Variants in PCDH15 observed in about 807,000 individuals in gnomAD.
The protein encoded by PCDH15 is protocadherin-15.
Under a neutral mutation model 178.5 loss-of-function variants are expected in PCDH15, and 129 were observed. That is an observed-to-expected ratio of 0.72 (90% confidence interval 0.63 to 0.84). The LOEUF (loss-of-function observed/expected upper bound fraction) is 0.84, where lower values mean the gene tolerates loss of function less well. Among genes scored for constraint, PCDH15 ranks in the 40% least tolerant of loss-of-function variants. The pLI is 0.00. For missense variants in PCDH15, 2,230 were observed against 2,099.9 expected, an observed-to-expected ratio of 1.06 and a Z score of -1.21; for synonymous variants, 800 against 732.0, an observed-to-expected ratio of 1.09 and a Z score of -1.50.
In PCDH15 at chr10:54,027,236, A is replaced by C. The variant is rs2093130653; in HGVS notation, c.2221-4039T>G. On this transcript the variant is annotated intron_variant, in intron 18 of 37. Transcript: ENST00000644397. ...TACCTAGGAATCCAACTTACAAGGG[A>C]TGTGAAGGACCTCTTCAAGGAGAAC... Among the ~76,000 whole-genome samples, 5 of 149,060 alleles carry C rather than the reference A, an allele frequency of 3.4e-5. No homozygotes were observed. The South Asian group carries it at 1.1e-3, about 32-fold the overall frequency.
intron 2 of PCDH15, among the ~76,000 whole-genome samples, chr10:55,369,385 A>G (rs1423768431): frequency 6.6e-6 from 1 of 152,008 alleles, no homozygotes; most frequent in East Asian, 1.9e-4. Context: ...AGAAATCAAC[A>G]AAGTGTATAT....
At chr10:54,655,162 G>C (rs10825370) in intron 2 of PCDH15, 12,499 of 151,888 alleles carry the variant, frequency 0.082, 529 homozygotes, top group African/African-American at 0.12. Flanking sequence ...AGTGAGCCGA[G>C]ATCGCGCCAC....
intron 2 of PCDH15, among the ~76,000 whole-genome samples, chr10:54,980,959 A>C (rs1262031813): frequency 6.6e-6 from 1 of 152,096 alleles, no homozygotes; most frequent in East Asian, 1.9e-4. Flanking sequence ...ACATGTATAA[A>C]ATGAAACGTA....
intron 2 of PCDH15, among the ~76,000 whole-genome samples, chr10:55,600,300 C>T (rs1843045921): frequency 6.6e-6 from 1 of 151,544 alleles, no homozygotes; most frequent in Non-Finnish European, 1.5e-5. Flanking sequence ...GGAAGCAGAG[C>T]TTGCAGTGAG....
chr10:55,455,718 C>A (rs1292331682), intron 2 of PCDH15, among the ~76,000 whole-genome samples: 1 of 151,660 alleles, frequency 6.6e-6, no homozygotes, highest in Non-Finnish European at 1.5e-5. Context: ...GGACAATTTG[C>A]CTGTATAAAA....
intron 15 of PCDH15, among the ~76,000 whole-genome samples, chr10:54,095,514 C>T (rs535584262): frequency 4.0e-5 from 6 of 151,856 alleles, no homozygotes; most frequent in Admixed American, 6.6e-5. Flanking sequence ...TATAAATATG[C>T]TCAAAAATAA....
Position 54,743,929 on chromosome 10 carries a change from C to T in PCDH15, c.-29+56996G>A, listed in dbSNP as rs562274204. On this transcript the variant is annotated intron_variant, in intron 1 of 37. Transcript: ENST00000644397. ...GTTTTCAAAATGGCTTTCAGTGATC[C>T]TCTTCTCTTAATATTCATATCCTGT... Among the ~76,000 whole-genome samples, 58 of 152,122 alleles carry T rather than the reference C, an allele frequency of 3.8e-4. No individual in the cohort carries two copies. In the South Asian group the frequency reaches 9.8e-3, roughly 26 times the overall value.
intron 2 of PCDH15, among the ~76,000 whole-genome samples, chr10:54,935,317 T>G: frequency 6.6e-6 from 1 of 152,152 alleles, no homozygotes; most frequent in East Asian, 1.9e-4. Context: ...TTCACTAAGT[T>G]CAATGCAACT....
rs2094144298 is a variant in PCDH15 at position 54,066,798 on chromosome 10, C to G, written c.2179G>C (p.Val727Leu). ...FDPYLPRNLS[V>L]VEEEANAFVG... ...AAGGCATTGGCTTCTTCTTCCACCA[C>G]AGATAAATTTCTTGGCAGATAAGGA... Residue 727 changes from valine (V) to leucine (L), a missense_variant, in exon 18 of 38, where the codon GTG (valine) becomes CTG (leucine). Coordinates refer to ENST00000644397, the MANE Select transcript of PCDH15 (RefSeq NM_001384140.1). 6.2e-7 allele frequency: 1 copy of G among 1,613,478 alleles called. No homozygotes were observed. The highest frequency in any genetic ancestry group is 8.5e-7 in the Non-Finnish European group (1 of 1,179,618).
At chr10:55,159,514 C>G (rs1464199871) in intron 2 of PCDH15, among the ~76,000 whole-genome samples, 1 of 149,434 alleles carries the variant, frequency 6.7e-6, no homozygotes, top group Non-Finnish European at 1.5e-5. Context: ...TATACACACA[C>G]ACAACTAGAT....
chr10:55,432,477 G>T (rs1027287265), intron 2 of PCDH15, among the ~76,000 whole-genome samples: 23 of 152,130 alleles, frequency 1.5e-4, no homozygotes, highest in Non-Finnish European at 2.4e-4. Context: ...TGGAAGGCAA[G>T]GATGAAAAGT....
At chr10:54,440,209 G>A (rs565725877) in intron 3 of PCDH15, among the ~76,000 whole-genome samples, 12 of 152,048 alleles carry the variant, frequency 7.9e-5, no homozygotes, top group African/African-American at 2.9e-4. Flanking sequence ...ATGAACGGAG[G>A]TTTGTTATCC....
At chr10:54,976,380 G>A (rs991814441) in intron 2 of PCDH15, among the ~76,000 whole-genome samples, 3 of 152,130 alleles carry the variant, frequency 2.0e-5, no homozygotes, top group African/African-American at 7.2e-5. Flanking sequence ...GGCTGGTCAT[G>A]CAGAAGAAGG....
intron 2 of PCDH15, among the ~76,000 whole-genome samples, chr10:55,616,714 G>T (rs1843485857): frequency 6.6e-6 from 1 of 152,104 alleles, no homozygotes; most frequent in Admixed American, 6.5e-5. Flanking sequence ...GACTTGAGAA[G>T]TATTTGTGTA....
intron 2 of PCDH15, among the ~76,000 whole-genome samples, chr10:54,617,286 T>C (rs1249925713): frequency 4.6e-5 from 7 of 152,102 alleles, no homozygotes; most frequent in Non-Finnish European, 1.0e-4. Context: ...AGCAACCAAC[T>C]GATCAAATTT....
At chr10:55,473,447 G>A (rs1407785121) in intron 2 of PCDH15, among the ~76,000 whole-genome samples, 2 of 152,094 alleles carry the variant, frequency 1.3e-5, no homozygotes, top group Admixed American at 6.5e-5. Context: ...TTGGAGTCAT[G>A]GAACACTGCT....
intron 1 of PCDH15, among the ~76,000 whole-genome samples, chr10:54,774,445 A>G (rs1949474070): frequency 6.6e-6 from 1 of 152,188 alleles, no homozygotes; most frequent in African/African-American, 2.4e-5. Context: ...TGTATCTACT[A>G]TATCTTGAAA....
intron 3 of PCDH15, among the ~76,000 whole-genome samples, chr10:54,397,231 T>C (rs988328438): frequency 1.2e-4 from 19 of 152,102 alleles, no homozygotes; most frequent in Non-Finnish European, 2.4e-4. Context: ...GTGAGTTTTA[T>C]AACCCAGGGA....
chr10:55,164,029 G>A (rs1378667617), intron 2 of PCDH15, among the ~76,000 whole-genome samples: 4 of 152,086 alleles, frequency 2.6e-5, no homozygotes, highest in Admixed American at 2.6e-4. Context: ...TCTGGATTGG[G>A]ACCCCTTTCC....
Sources: gnomAD v4.1 joint callset for allele counts (sites outside exome capture counted in the v4.1 genomes callset) on GRCh38, gnomAD v4.1.1 for gene constraint, MANE v1.5 for transcripts, NCBI Gene and HGNC (gene_info 2026-07-23, HGNC 2026-07-21) for gene names.